The following ADGRF5 variants were observed in gnomAD, a reference collection of about 807,000 sequenced individuals.
The protein encoded by ADGRF5 is G-protein coupled receptor 116.
ADGRF5 carries 75 observed loss-of-function variants against 132.3 expected under a neutral mutation model. The observed-to-expected ratio is 0.57, with a 90% CI of 0.47 to 0.69. The LOEUF (loss-of-function observed/expected upper bound fraction) is 0.69, where lower values mean the gene tolerates loss of function less well. ADGRF5 is among the 30% of genes least tolerant of loss of function. The pLI is 0.00. For synonymous variants in ADGRF5, 629 were observed against 597.6 expected (o/e 1.05, Z -0.77); for missense variants, 1,516 against 1,630.6 (o/e 0.93, Z 1.21).
At chr6:46,883,452 A>C in intron 6 of ADGRF5, 107 bp downstream of exon 6, 2 of 657,496 alleles carry the variant, frequency 3.0e-6, no homozygotes, top group Non-Finnish European at 5.4e-6. Flanking sequence ...TAATAAATCC[A>C]CATCCGTAAA....
At chr6:46,872,806 G>A (rs538905439) in intron 10 of ADGRF5, among the ~76,000 whole-genome samples, 15 of 152,150 alleles carry the variant, frequency 9.9e-5, no homozygotes, top group South Asian at 6.2e-4. Context: ...GCACTCCTAA[G>A]GGAATCTTCA....
At chr6:46,920,552 G>A (rs1047523569) in intron 1 of ADGRF5, among the ~76,000 whole-genome samples, 7 of 145,572 alleles carry the variant, frequency 4.8e-5, no homozygotes, top group African/African-American at 1.8e-4. Context: ...AGTGTATATT[G>A]GGGGTGCAAT....
intron 19 of ADGRF5, 71 bp from the exon 20 acceptor site, chr6:46,856,129 G>A (rs1179301910): frequency 1.3e-5 from 11 of 871,012 alleles, no homozygotes; most frequent in Non-Finnish European, 1.7e-5. Flanking sequence ...ATCTCTAGAA[G>A]GATTGATTTT....
chr6:46,941,131 T>G (rs1778030311), intron 1 of ADGRF5, among the ~76,000 whole-genome samples: 1 of 151,932 alleles, frequency 6.6e-6, no homozygotes, highest in Non-Finnish European at 1.5e-5. Flanking sequence ...AGCCAGGAGT[T>G]TCAGACCAGC....
At chr6:46,902,915 T>G (rs1774920159) in intron 2 of ADGRF5, among the ~76,000 whole-genome samples, 1 of 152,242 alleles carries the variant, frequency 6.6e-6, no homozygotes, top group African/African-American at 2.4e-5. Context: ...GGACCTGATT[T>G]GAATAGAGCA....
chr6:46,870,852 G>A, intron 11 of ADGRF5: 1 of 447,398 alleles, frequency 2.2e-6, no homozygotes, highest in Non-Finnish European at 4.5e-6. Context: ...AAGAGCTCAT[G>A]AGTATTTTGA....
chr6:46,931,478 C>T (rs1488285083), intron 1 of ADGRF5, among the ~76,000 whole-genome samples: 1 of 152,214 alleles, frequency 6.6e-6, no homozygotes, highest in Non-Finnish European at 1.5e-5. Context: ...TTCTCATCTC[C>T]CTTGACCCTG....
chr6:46,854,691 A>G (rs1302373391), intron 20 of ADGRF5: 55 of 1,256,880 alleles, frequency 4.4e-5, no homozygotes, highest in Admixed American at 2.3e-5. Flanking sequence ...TCGGGCAAGA[A>G]AAGGGTTGAA....
In ADGRF5 at chr6:46,860,696, A is replaced by G; in HGVS notation, c.2379+19T>C. ...AAAAGGTAAGACCCAAAACTCCTGCAAAGGTTAAGCAAACTCACCGTCATC... is the reference window on the plus strand; with the variant it reads ...AAAAGGTAAGACCCAAAACTCCTGCGAAGGTTAAGCAAACTCACCGTCATC... On this transcript the variant is annotated intron_variant, in intron 16 of 20. Transcript: ENST00000283296. 6.3e-7 allele frequency: 1 copy of G among 1,596,184 alleles called. No individual in the cohort carries two copies. The highest frequency in any genetic ancestry group is 8.6e-7 in the Non-Finnish European group (1 of 1,166,584).
At chr6:46,953,146 G>T (rs765942518) in intron 1 of ADGRF5, among the ~76,000 whole-genome samples, 1 of 152,172 alleles carries the variant, frequency 6.6e-6, no homozygotes, top group Admixed American at 6.5e-5. Context: ...TTCTTTAAGT[G>T]AATGCTTCTC....
chr6:46,915,228 C>G (rs1040263128), intron 1 of ADGRF5, among the ~76,000 whole-genome samples: 4 of 152,004 alleles, frequency 2.6e-5, no homozygotes, highest in Admixed American at 2.6e-4. Flanking sequence ...TGTTCTCAAG[C>G]TTCACAGTTC....
chr6:46,897,023 A>G (rs935556041), intron 3 of ADGRF5, among the ~76,000 whole-genome samples: 1 of 152,032 alleles, frequency 6.6e-6, no homozygotes. Flanking sequence ...ACATTTTGGT[A>G]TCTGAGGGGT....
At chr6:46,864,603 C>A (rs919283718) in intron 14 of ADGRF5, among the ~76,000 whole-genome samples, 1 of 151,434 alleles carries the variant, frequency 6.6e-6, no homozygotes, top group Non-Finnish European at 1.5e-5. Flanking sequence ...TGGCTCACTG[C>A]AACCTCCGCC....
chr6:46,921,393 T>A (rs1307319504), intron 1 of ADGRF5, among the ~76,000 whole-genome samples: 1 of 151,450 alleles, frequency 6.6e-6, no homozygotes, highest in Admixed American at 6.6e-5. Flanking sequence ...GTTTTTATAG[T>A]ATTTTCTGGT....
At chr6:46,951,676 T>A (rs1185909968) in intron 1 of ADGRF5, among the ~76,000 whole-genome samples, 1 of 152,216 alleles carries the variant, frequency 6.6e-6, no homozygotes, top group Non-Finnish European at 1.5e-5. Context: ...TTTTCCTGGC[T>A]GCTTTCCTAA....
At chr6:46,944,914 T>G (rs1255252885) in intron 1 of ADGRF5, among the ~76,000 whole-genome samples, 1 of 152,154 alleles carries the variant, frequency 6.6e-6, no homozygotes, top group African/African-American at 2.4e-5. Context: ...CTGTACTGGC[T>G]CAGTGCTTAG....
chr6:46,861,360 T>C (rs758159305), intron 15 of ADGRF5, among the ~76,000 whole-genome samples: 5 of 152,200 alleles, frequency 3.3e-5, no homozygotes, highest in Non-Finnish European at 5.9e-5. Context: ...TGCCCTCTTA[T>C]ATTCTCAAAA....
chr6:46,936,395 C>G (rs537167544), intron 1 of ADGRF5, among the ~76,000 whole-genome samples: 111 of 152,310 alleles, frequency 7.3e-4, no homozygotes, highest in South Asian at 3.1e-3. Context: ...CCAGATCTGC[C>G]TGCCAAACCT....
At chr6:46,954,711 A>G (rs1778655149) in intron 1 of ADGRF5, 1 of 152,204 alleles carries the variant, frequency 6.6e-6, no homozygotes, top group African/African-American at 2.4e-5. Flanking sequence ...AACATGGCAA[A>G]TCAAAACGAT....
Sources: gnomAD v4.1 joint callset for allele counts (sites outside exome capture counted in the v4.1 genomes callset) on GRCh38, gnomAD v4.1.1 for gene constraint, MANE v1.5 for transcripts, NCBI Gene and HGNC (gene_info 2026-07-23, HGNC 2026-07-21) for gene names.